OTX2: variants seen among roughly 807,000 people sequenced by gnomAD.
The protein encoded by OTX2 is orthodenticle homeobox 2.
A neutral mutation model predicts 29.0 loss-of-function variants in OTX2; 4 were observed. That is an observed-to-expected ratio of 0.14 (90% confidence interval 0.07 to 0.32). OTX2 has a LOEUF of 0.32. OTX2 is among the 10% of genes least tolerant of loss of function. The probability of loss-of-function intolerance (pLI) is 1.00; values close to 1 mark genes in which losing one functional copy is unlikely to be tolerated. For missense variants in OTX2, 298 were observed against 365.9 expected, an observed-to-expected ratio of 0.81 and a Z score of 1.51; for synonymous variants, 134 against 141.0, an observed-to-expected ratio of 0.95 and a Z score of 0.35.
intron 2 of OTX2, among the ~76,000 whole-genome samples, chr14:56,807,909 C>A (rs180754139): frequency 0.025 from 3,774 of 152,202 alleles, 142 homozygotes; most frequent in African/African-American, 0.085. Context: ...GCGGCGAGTT[C>A]CGGCAGCCGG....
intron 2 of OTX2, among the ~76,000 whole-genome samples, chr14:56,806,201 G>A (rs1357042182): frequency 6.6e-6 from 1 of 152,072 alleles, no homozygotes; most frequent in African/African-American, 2.4e-5. Flanking sequence ...CACAAACTTG[G>A]AAAAACCGCT....
chr14:56,805,996 C>T (rs1261533288), intron 2 of OTX2, among the ~76,000 whole-genome samples: 1 of 152,076 alleles, frequency 6.6e-6, no homozygotes, highest in East Asian at 1.9e-4. Flanking sequence ...ACAAAGAACT[C>T]TTTGGCTAAA....
Position 56,802,135 on chromosome 14 carries a change from A to G in OTX2, c.494T>C (p.Ile165Thr). 1.2e-6 allele frequency: 2 copies of G among 1,614,100 alleles called. No homozygotes were observed. Among genetic ancestry groups the G allele is most frequent in the Non-Finnish European group, 1.7e-6 (2 of 1,179,986 alleles). ...GGACAAGGGATCTGACAGTGGGGAGATGGAAGCTGGGCTCCAGATAGACAC... is the reference window on the plus strand; with the variant it reads ...GGACAAGGGATCTGACAGTGGGGAGGTGGAAGCTGGGCTCCAGATAGACAC... ...APVSIWSPAS[I>T]SPLSDPLSTS... The change falls in exon 5 of 5, where the codon ATC (isoleucine) becomes ACC (threonine). Residue 165 changes from isoleucine (I) to threonine (T), a missense_variant. By Grantham distance (89) the Ile-to-Thr change is moderately conservative. Coordinates refer to ENST00000672264, the MANE Select transcript of OTX2 (RefSeq NM_021728.4). This position sits in a 1 kb window ranked among gnomAD's most constrained non-coding sequence, Gnocchi z 4.4.
rs1177744248 is a variant in OTX2 at position 56,800,027 on chromosome 14, T to C, written c.*1708A>G. 1 of 152,226 alleles carries C rather than the reference T, an allele frequency of 6.6e-6. No individual in the cohort carries two copies. Among genetic ancestry groups the C allele is most frequent in the African/African-American group, 2.4e-5 (1 of 41,458 alleles). 9.4% of individuals were successfully genotyped at this position (152,226 alleles called of 1,614,324 possible). On this transcript the variant is annotated 3_prime_UTR_variant, in exon 5 of 5. Transcript: ENST00000672264. The stretch of plus-strand genomic sequence containing the variant: ...TATTGCTTTTACCTGAGGAGCACCA[T>C]GATCATTGGCCCATTTGTCTTTTCT...
chr14:56,805,334 G>A, intron 3 of OTX2, 26 bp downstream of exon 3: 1 of 1,479,134 alleles, frequency 6.8e-7, no homozygotes, highest in African/African-American at 1.4e-5. Context: ...GAAGAGGGGT[G>A]CGGGAGTGCA....
intron 4 of OTX2, among the ~76,000 whole-genome samples, chr14:56,803,561 G>A (rs188978729): frequency 4.6e-5 from 7 of 152,274 alleles, no homozygotes; most frequent in Admixed American, 4.6e-4. Context: ...AAGGCAAGCT[G>A]GAGTTGACCT....
At chr14:56,807,255 G>A (rs1892119203) in intron 2 of OTX2, among the ~76,000 whole-genome samples, 1 of 151,992 alleles carries the variant, frequency 6.6e-6, no homozygotes, top group African/African-American at 2.4e-5. Context: ...TGGAGGCTGC[G>A]AAAATAAACA....
chr14:56,804,061 C>T lies in OTX2; in HGVS notation c.273+127G>A, dbSNP rs1371051293. ...GCAGAAGGAGAATAGTTTCCTGGCC[C>T]CTTAGTGAGTGAAGGAGAATTTCAA... On this transcript the variant is annotated intron_variant, in intron 4 of 4. Coordinates refer to ENST00000672264, the MANE Select transcript of OTX2 (RefSeq NM_021728.4). The surrounding 1 kb of genome is among the most constrained non-coding windows in gnomAD (Gnocchi z 4.1). The T allele has an allele frequency of 1.8e-6, 2 of 1,120,530 alleles. No homozygotes were observed. Among genetic ancestry groups the T allele is most frequent in the African/African-American group, 1.5e-5 (1 of 65,300 alleles). 69.4% of individuals were successfully genotyped at this position (1,120,530 alleles called of 1,614,324 possible).
intron 2 of OTX2, among the ~76,000 whole-genome samples, chr14:56,807,789 C>G (rs916948725): frequency 6.6e-6 from 1 of 152,244 alleles, no homozygotes; most frequent in Non-Finnish European, 1.5e-5. Context: ...CCTCTCGAAG[C>G]AGGGTCCAGA....
chr14:56,806,840 A>G (rs1355857914), intron 2 of OTX2: 1 of 152,250 alleles, frequency 6.6e-6, no homozygotes, highest in African/African-American at 2.4e-5. Context: ...AGATGTTAAT[A>G]TAGACTGGCA....
rs1291528909 is a variant in OTX2, at chr14:56,801,157, A to G, written c.*578T>C. ...ATTAAAAACCACAGATGTACCATTT[A>G]TAAGACACACACTGATTGTCTCTTA... On this transcript the variant is annotated 3_prime_UTR_variant, in exon 5 of 5. Coordinates refer to ENST00000672264, the MANE Select transcript of OTX2 (RefSeq NM_021728.4). The surrounding 1 kb of genome is among the most constrained non-coding windows in gnomAD (Gnocchi z 4.2). 1 of 169,146 alleles carries G rather than the reference A, an allele frequency of 5.9e-6. No individual in the cohort carries two copies. Among genetic ancestry groups the G allele is most frequent in the Non-Finnish European group, 1.3e-5 (1 of 76,742 alleles). 10.5% of individuals were successfully genotyped at this position (169,146 alleles called of 1,614,324 possible).
Position 56,800,679 on chromosome 14 carries a change from GC to G in OTX2, c.*1055del, listed in dbSNP as rs1351775608. On this transcript the variant is annotated 3_prime_UTR_variant, in exon 5 of 5. Coordinates refer to ENST00000672264, the MANE Select transcript of OTX2 (RefSeq NM_021728.4). ...AATGTAGGCTTCTTATTCATAAATAGCGGTGTAAAATTAAACTGGACCCAAT... is the reference window on the plus strand; with the variant it reads ...AATGTAGGCTTCTTATTCATAAATAGGGTGTAAAATTAAACTGGACCCAAT... 6.6e-6 allele frequency: 1 copy of G among 152,554 alleles called. No individual in the cohort carries two copies. Among genetic ancestry groups the G allele is most frequent in the Non-Finnish European group, 1.5e-5 (1 of 68,018 alleles). 9.5% of individuals were successfully genotyped at this position (152,554 alleles called of 1,614,324 possible).
chr14:56,803,092 G>T (rs1025450317), intron 4 of OTX2, among the ~76,000 whole-genome samples: 2 of 152,224 alleles, frequency 1.3e-5, no homozygotes, highest in Admixed American at 6.5e-5. Context: ...CTCCTGTGCT[G>T]TGTTTACTGA....
intron 2 of OTX2, among the ~76,000 whole-genome samples, chr14:56,809,941 T>G (rs1259158627): frequency 3.9e-5 from 6 of 152,232 alleles, no homozygotes; most frequent in Admixed American, 3.9e-4. Flanking sequence ...GCACGCTCTC[T>G]GCCTCTCTCC....
Position 56,802,844 on chromosome 14 carries a change from G to T in OTX2, c.274-489C>A, listed in dbSNP as rs1017893575. On this transcript the variant is annotated intron_variant, in intron 4 of 4. Transcript: ENST00000672264. The surrounding 1 kb of genome is among the most constrained non-coding windows in gnomAD (Gnocchi z 4.4). Reference sequence around the variant, plus strand: ...CCAGGAAGCAACTGCTAATATAGAGGTTGGTTGGTTCCATCACCCTTCTGT... The same window carrying T: ...CCAGGAAGCAACTGCTAATATAGAGTTTGGTTGGTTCCATCACCCTTCTGT... Among the ~76,000 whole-genome samples the T allele has an allele frequency of 6.6e-6, 1 of 152,202 alleles. No homozygotes were observed. The highest frequency in any genetic ancestry group is 1.5e-5 in the Non-Finnish European group (1 of 68,050).
In OTX2 at chr14:56,802,499, C is replaced by G; in HGVS notation, c.274-144G>C. 1 of 926,750 alleles carries G rather than the reference C, an allele frequency of 1.1e-6. No individual in the cohort carries two copies. Among genetic ancestry groups the G allele is most frequent in the Non-Finnish European group, 1.7e-6 (1 of 574,716 alleles). 57.4% of individuals were successfully genotyped at this position (926,750 alleles called of 1,614,324 possible). On this transcript the variant is annotated intron_variant, in intron 4 of 4. Coordinates refer to ENST00000672264, the MANE Select transcript of OTX2 (RefSeq NM_021728.4). The surrounding 1 kb of genome is among the most constrained non-coding windows in gnomAD (Gnocchi z 4.4). The stretch of plus-strand genomic sequence containing the variant: ...GCCACTGAAGACCTATTATGTGGTA[C>G]TCTCATATAAACTCCTGGACTTGTA...
At chr14:56,808,404 G>A (rs577844303) in intron 2 of OTX2, among the ~76,000 whole-genome samples, 64 of 152,264 alleles carry the variant, frequency 4.2e-4, no homozygotes, top group African/African-American at 1.5e-3. Context: ...GAGACGTGTG[G>A]GCACCGCGGA....
chr14:56,808,805 A>G (rs1355224548), intron 2 of OTX2, among the ~76,000 whole-genome samples: 4 of 152,200 alleles, frequency 2.6e-5, no homozygotes, highest in Non-Finnish European at 1.5e-5. Context: ...CCCGCGCACC[A>G]GTTCTATCTG....
intron 1 of OTX2, 30 bp from the exon 2 acceptor site, chr14:56,810,252 AACCTTGCAGTCTTC>A (rs1331903564): frequency 5.3e-5 from 8 of 152,230 alleles, no homozygotes; most frequent in Non-Finnish European, 1.0e-4. Flanking sequence ...TTGAGTTAGA[AACCTTGCAGTCTTC>A]ACCCTTCCAT....
Sources: allele counts gnomAD v4.1 joint callset (sites outside exome capture counted in the v4.1 genomes callset), GRCh38; gene constraint gnomAD v4.1.1; non-coding constraint Gnocchi (gnomAD v3.1); transcripts MANE v1.5; gene names NCBI Gene and HGNC (gene_info 2026-07-23, HGNC 2026-07-21).